CADM1: variants seen among roughly 807,000 people sequenced by gnomAD.
CADM1 encodes the protein cell adhesion molecule 1, also known as TSLC-1.
Under a neutral mutation model 53.1 loss-of-function variants are expected in CADM1, and 15 were observed. The ratio of observed to expected loss-of-function variants is 0.28; its 90% CI spans 0.19 to 0.44. The LOEUF (loss-of-function observed/expected upper bound fraction) is 0.44. CADM1 is among the 20% of genes least tolerant of loss of function. The pLI is 1.00. For missense variants in CADM1, 434 were observed against 611.3 expected, an observed-to-expected ratio of 0.71 and a Z score of 3.06; for synonymous variants, 281 against 243.0, an observed-to-expected ratio of 1.16 and a Z score of -1.45.
In CADM1 at chr11:115,377,883, G is replaced by C. The variant is rs1218244654; in HGVS notation, c.124+126388C>G. 3.9e-5 allele frequency: 6 copies of C among 152,110 alleles called. No individual in the cohort carries two copies. The East Asian group carries it at 9.6e-4, about 24-fold the overall frequency. 9.4% of individuals were successfully genotyped at this position (152,110 alleles called of 1,614,324 possible). Reference sequence around the variant, plus strand: ...AAGAGAAAAAAACTTCTCAAAATCTGTATCTGATAAATTAACCCAGTCCTT... The same window carrying C: ...AAGAGAAAAAAACTTCTCAAAATCTCTATCTGATAAATTAACCCAGTCCTT... On this transcript the variant is annotated intron_variant, in intron 1 of 11. Transcript: ENST00000331581.
intron 1 of CADM1, chr11:115,241,090 C>T (rs2186421): frequency 0.5 from 76,706 of 152,458 alleles, 21,031 homozygotes; most frequent in Non-Finnish European, 0.62. Context: ...TCACCCCCCA[C>T]CCCCTGCCAG....
intron 1 of CADM1, among the ~76,000 whole-genome samples, chr11:115,322,733 CA>C (rs1378354889): frequency 1.3e-5 from 2 of 152,102 alleles, no homozygotes; most frequent in African/African-American, 2.4e-5. Context: ...TAGAATGTAT[CA>C]GTACTTCATT....
In CADM1 at chr11:115,176,617, C is replaced by T. The variant is rs371959011; in HGVS notation, c.1298-25G>A. 49 of 1,587,064 alleles carry T rather than the reference C, an allele frequency of 3.1e-5. 1 individual carries two copies. The African/African-American group carries it at 3.9e-4, about 13-fold the overall frequency. Reference sequence around the variant, plus strand: ...CCTGAAAGATGAAGGGGTAAAGCACCGTGACTGTCTGATGGCCTCTGTGTA... The same window carrying T: ...CCTGAAAGATGAAGGGGTAAAGCACTGTGACTGTCTGATGGCCTCTGTGTA... On this transcript the variant is annotated intron_variant, in intron 11 of 11. Coordinates refer to ENST00000331581, the MANE Select transcript of CADM1 (RefSeq NM_001301043.2).
intron 1 of CADM1, among the ~76,000 whole-genome samples, chr11:115,494,750 A>C (rs1462540575): frequency 6.6e-6 from 1 of 152,190 alleles, no homozygotes. Flanking sequence ...TGCTGTTTTA[A>C]TAAAAGTGAT....
chr11:115,259,842 C>T (rs891191738), intron 1 of CADM1, among the ~76,000 whole-genome samples: 1 of 152,210 alleles, frequency 6.6e-6, no homozygotes, highest in Non-Finnish European at 1.5e-5. Context: ...CATGCCCTTC[C>T]CACCTCATTT....
intron 1 of CADM1, among the ~76,000 whole-genome samples, chr11:115,442,611 T>A (rs1370690971): frequency 6.6e-6 from 1 of 152,156 alleles, no homozygotes; most frequent in African/African-American, 2.4e-5. Context: ...TTTCATTGAG[T>A]TTACTCCTCC....
chr11:115,416,217 G>C (rs1947592904), intron 1 of CADM1, among the ~76,000 whole-genome samples: 1 of 152,158 alleles, frequency 6.6e-6, no homozygotes, highest in South Asian at 2.1e-4. Flanking sequence ...TTTATGAAAA[G>C]ATAATCAAAG....
chr11:115,238,662 A>G lies in CADM1; in HGVS notation c.272-10T>C, dbSNP rs751662561. Reference sequence around the variant, plus strand: ...CTGCTGTCCTTCAAAGCTGTGAAACAAAACAGAGAGTTAGTGATTGTGAGA... The same window carrying G: ...CTGCTGTCCTTCAAAGCTGTGAAACGAAACAGAGAGTTAGTGATTGTGAGA... On this transcript the variant is annotated splice_polypyrimidine_tract_variant and intron_variant, in intron 2 of 11. Transcript: ENST00000331581. 6.2e-7 allele frequency: 1 copy of G among 1,613,584 alleles called. No homozygotes were observed. Among genetic ancestry groups the G allele is most frequent in the Admixed American group, 1.7e-5 (1 of 59,988 alleles).
intron 1 of CADM1, among the ~76,000 whole-genome samples, chr11:115,245,925 A>G (rs909894100): frequency 6.6e-6 from 1 of 152,214 alleles, no homozygotes; most frequent in African/African-American, 2.4e-5. Context: ...TCAGAAACCT[A>G]TTTGAATTAA....
chr11:115,464,235 G>A (rs986887640), intron 1 of CADM1, among the ~76,000 whole-genome samples: 1 of 152,190 alleles, frequency 6.6e-6, no homozygotes, highest in Non-Finnish European at 1.5e-5. Flanking sequence ...AAAACCGAAG[G>A]AAGGGAAAAG....
intron 1 of CADM1, among the ~76,000 whole-genome samples, chr11:115,277,753 G>A (rs1943483194): frequency 6.6e-6 from 1 of 152,096 alleles, no homozygotes; most frequent in South Asian, 2.1e-4. Flanking sequence ...ACTAAATGCT[G>A]AAACTACCAA....
chr11:115,502,909 G>T (rs1257202225), intron 1 of CADM1, among the ~76,000 whole-genome samples: 1 of 152,166 alleles, frequency 6.6e-6, no homozygotes, highest in Non-Finnish European at 1.5e-5. Context: ...GCCCGCCCGG[G>T]CCTGGGGCTC....
At chr11:115,318,998 A>G (rs1415224421) in intron 1 of CADM1, among the ~76,000 whole-genome samples, 1 of 152,172 alleles carries the variant, frequency 6.6e-6, no homozygotes, top group Non-Finnish European at 1.5e-5. Context: ...TTGATACTCA[A>G]AACAATAGGA....
At chr11:115,288,870 C>T (rs767243683) in intron 1 of CADM1, among the ~76,000 whole-genome samples, 11 of 152,156 alleles carry the variant, frequency 7.2e-5, no homozygotes, top group African/African-American at 1.9e-4. Context: ...TTAACCTTCC[C>T]ATCTTGACCT....
At chr11:115,236,903 A>G (rs536860719) in intron 3 of CADM1, among the ~76,000 whole-genome samples, 9 of 152,204 alleles carry the variant, frequency 5.9e-5, no homozygotes, top group Non-Finnish European at 1.0e-4. Context: ...CAAGATGTCT[A>G]ACATCTGTTA....
At position 115,328,747 on chromosome 11, in the gene CADM1, T is replaced by G. The variant is rs1034268100; in HGVS notation, c.125-88327A>C. ...ATATGTATATACATATATATATATA[T>G]AGAATCCAATCTCTTTTGGGGGGAC... On this transcript the variant is annotated intron_variant, in intron 1 of 11. Coordinates refer to ENST00000331581, the MANE Select transcript of CADM1 (RefSeq NM_001301043.2). Among the ~76,000 whole-genome samples, 9 of 130,102 alleles carry G rather than the reference T, an allele frequency of 6.9e-5. 1 individual carries two copies. Among genetic ancestry groups the G allele is most frequent in the African/African-American group, 2.5e-4 (9 of 36,406 alleles). 85.4% of individuals were successfully genotyped at this position (130,102 alleles called of 152,430 possible).
chr11:115,383,420 G>A (rs1946625863), intron 1 of CADM1, among the ~76,000 whole-genome samples: 1 of 152,232 alleles, frequency 6.6e-6, no homozygotes, highest in African/African-American at 2.4e-5. Flanking sequence ...CAAGGTAAGA[G>A]CATGTTAATG....
In CADM1 at chr11:115,349,721, T is replaced by C. The variant is rs1042455072; in HGVS notation, c.125-109301A>G. 3.9e-5 allele frequency among the ~76,000 whole-genome samples: 6 copies of C among 152,324 alleles called. No individual in the cohort carries two copies. In the South Asian group the frequency reaches 1.2e-3, roughly 32 times the overall value. On this transcript the variant is annotated intron_variant, in intron 1 of 11. Coordinates refer to ENST00000331581, the MANE Select transcript of CADM1 (RefSeq NM_001301043.2). ...TCTTTGTTGCTTAAAGGGAAAGCTG[T>C]TCAAGGGCTTGACAGACAAGAAGAT...
chr11:115,385,774 C>A (rs936790537), intron 1 of CADM1, among the ~76,000 whole-genome samples: 6 of 152,122 alleles, frequency 3.9e-5, no homozygotes, highest in Non-Finnish European at 7.4e-5. Context: ...CTGCCCAGAC[C>A]AGCTAACTGG....
Sources: gnomAD v4.1 joint callset for allele counts (sites outside exome capture counted in the v4.1 genomes callset) on GRCh38, gnomAD v4.1.1 for gene constraint, MANE v1.5 for transcripts, NCBI Gene and HGNC (gene_info 2026-07-23, HGNC 2026-07-21) for gene names.